GEM: variants seen among roughly 807,000 people sequenced by gnomAD.
GEM encodes the protein GTP binding protein overexpressed in skeletal muscle, also known as GTP-binding protein GEM.
A neutral mutation model predicts 33.0 loss-of-function variants in GEM; 31 were observed. That is an observed-to-expected ratio of 0.94 (90% CI 0.71 to 1.27). The LOEUF (loss-of-function observed/expected upper bound fraction) is 1.27. Ranked by LOEUF, GEM falls within the 50% of genes most tolerant of loss-of-function variation. GEM has a pLI of 0.00. For missense variants in GEM, 354 were observed against 390.5 expected, an observed-to-expected ratio of 0.91 and a Z score of 0.79; for synonymous variants, 141 against 143.7, an observed-to-expected ratio of 0.98 and a Z score of 0.13.
intron 2 of GEM, among the ~76,000 whole-genome samples, chr8:94,254,389 A>C (rs1808842694): frequency 6.6e-6 from 1 of 152,186 alleles, no homozygotes; most frequent in Non-Finnish European, 1.5e-5. Flanking sequence ...ATTCAAATCC[A>C]GGTGCCATCC....
At chr8:94,253,217 G>A in intron 2 of GEM, 105 bp from the exon 3 acceptor site, 1 of 690,976 alleles carries the variant, frequency 1.4e-6, no homozygotes, top group Non-Finnish European at 2.6e-6. Flanking sequence ...TACTAAATAT[G>A]CAATTAATTA....
At chr8:94,257,250 G>A (rs961560896) in intron 2 of GEM, among the ~76,000 whole-genome samples, 52 of 151,506 alleles carry the variant, frequency 3.4e-4, no homozygotes, top group African/African-American at 1.2e-3. Flanking sequence ...GTGAGATCTC[G>A]ACTCACTGCA....
chr8:94,253,640 C>T (rs1808825810), intron 2 of GEM, among the ~76,000 whole-genome samples: 1 of 140,834 alleles, frequency 7.1e-6, no homozygotes, highest in Non-Finnish European at 1.7e-5. Context: ...CCTGTTTTGG[C>T]TGTAGTTTTC....
At chr8:94,254,764 G>A (rs1808851458) in intron 2 of GEM, among the ~76,000 whole-genome samples, 1 of 152,144 alleles carries the variant, frequency 6.6e-6, no homozygotes, top group South Asian at 2.1e-4. Flanking sequence ...CCTTAGAGAA[G>A]GAAAACTTGG....
Position 94,260,532 on chromosome 8 carries a change from A to C in GEM, c.-9-20T>G, listed in dbSNP as rs1306741285. The C allele has an allele frequency of 1.4e-6, 2 of 1,439,680 alleles. No homozygotes were observed. Among genetic ancestry groups the C allele is most frequent in the African/African-American group, 1.4e-5 (1 of 71,916 alleles). The allele number at this position is 1,439,680 out of a possible 1,614,324, so 89.2% of individuals were successfully genotyped here. A position where few individuals can be genotyped will look rare whatever the true frequency, so the allele number is the denominator to read the frequency against. ...TGAGTCCTGGGGAGCAAAGCAGCCA[A>C]GATGGCAGCATTAGTAAGCATGAGT... On this transcript the variant is annotated intron_variant, in intron 1 of 4. Coordinates refer to ENST00000297596, the MANE Select transcript of GEM (RefSeq NM_005261.4).
intron 2 of GEM, among the ~76,000 whole-genome samples, chr8:94,256,580 G>A (rs1182899105): frequency 6.6e-6 from 1 of 152,136 alleles, no homozygotes; most frequent in Non-Finnish European, 1.5e-5. Context: ...CCCTCTCCCT[G>A]AAAACTTTCA....
chr8:94,257,433 C>T (rs1459335694), intron 2 of GEM, among the ~76,000 whole-genome samples: 1 of 152,158 alleles, frequency 6.6e-6, no homozygotes, highest in Non-Finnish European at 1.5e-5. Flanking sequence ...CCACCTGCCT[C>T]GGCCTCCCAA....
At chr8:94,254,683 G>A (rs1808850002) in intron 2 of GEM, among the ~76,000 whole-genome samples, 1 of 152,160 alleles carries the variant, frequency 6.6e-6, no homozygotes, top group South Asian at 2.1e-4. Context: ...ATAGCGAGCA[G>A]TTTACGAAAA....
intron 2 of GEM, among the ~76,000 whole-genome samples, chr8:94,257,372 G>C (rs1393132303): frequency 2.0e-5 from 3 of 151,930 alleles, no homozygotes; most frequent in Non-Finnish European, 4.4e-5. Context: ...AGTAGAGATG[G>C]GGTTTTACCA....
rs1196554975 is a variant in GEM at position 94,259,787 on chromosome 8, G to A, written c.331+386C>T. Reference sequence around the variant, plus strand: ...TCCTAACAGCTTTTCCAACTGGCTTGTTTTAGGTATAACCATGGAAAAAGG... The same window carrying A: ...TCCTAACAGCTTTTCCAACTGGCTTATTTTAGGTATAACCATGGAAAAAGG... On this transcript the variant is annotated intron_variant, in intron 2 of 4. Coordinates refer to ENST00000297596, the MANE Select transcript of GEM (RefSeq NM_005261.4). The A allele has an allele frequency of 1.8e-5, 3 of 170,640 alleles. No individual in the cohort carries two copies. The East Asian group carries it at 4.8e-4, about 28-fold the overall frequency. 10.6% of individuals were successfully genotyped at this position (170,640 alleles called of 1,614,324 possible).
At chr8:94,258,064 A>G (rs1020374608) in intron 2 of GEM, among the ~76,000 whole-genome samples, 1 of 152,004 alleles carries the variant, frequency 6.6e-6, no homozygotes, top group Non-Finnish European at 1.5e-5. Context: ...CCTGATGCCC[A>G]ATGTGCTGTC....
rs113737568 is a variant in GEM, at chr8:94,249,477, A to G, written c.*833T>C. 3.4e-3 allele frequency: 523 copies of G among 152,332 alleles called. 5 individuals carry two copies. The highest frequency in any genetic ancestry group is 0.012 in the African/African-American group (496 of 41,578). 9.4% of individuals were successfully genotyped at this position (152,332 alleles called of 1,614,324 possible). ...CCAAAGTACTGGAAGTTTTTATGCT[A>G]TATGTTTTATAAAAATTCAGACTTC... On this transcript the variant is annotated 3_prime_UTR_variant, in exon 5 of 5. Coordinates refer to ENST00000297596, the MANE Select transcript of GEM (RefSeq NM_005261.4).
Position 94,250,145 on chromosome 8 carries a change from T to C in GEM, c.*165A>G, listed in dbSNP as rs1325419000. 13 of 611,386 alleles carry C rather than the reference T, an allele frequency of 2.1e-5. No homozygotes were observed. Among genetic ancestry groups the C allele is most frequent in the East Asian group, 2.0e-4 (7 of 35,600 alleles). The allele number at this position is 611,386 out of a possible 1,614,324, so 37.9% of individuals were successfully genotyped here. On this transcript the variant is annotated 3_prime_UTR_variant, in exon 5 of 5. Coordinates refer to ENST00000297596, the MANE Select transcript of GEM (RefSeq NM_005261.4). The stretch of plus-strand genomic sequence containing the variant: ...AATAAATACTGACTTTTTACAAAAA[T>C]CTTTCATTTCCCATGCATCATGTTG...
At position 94,260,205 on chromosome 8, in the gene GEM, T is replaced by C; in HGVS notation, c.299A>G (p.Asp100Gly). 1 of 1,607,562 alleles carries C rather than the reference T, an allele frequency of 6.2e-7. No homozygotes were observed. Among genetic ancestry groups the C allele is most frequent in the East Asian group, 2.2e-5 (1 of 44,652 alleles). The change falls in exon 2 of 5, where the codon GAC becomes GGC. Residue 100 changes from aspartate (D) to glycine (G), a missense_variant. Transcript: ENST00000297596. ...TLANIFAGVH[D>G]SMDSDCEVLG... The stretch of plus-strand genomic sequence containing the variant: ...CACCTCGCAGTCGCTGTCCATGCTG[T>C]CATGCACACCTGCAAAGATGTTGGC...
chr8:94,253,002 T>G, intron 3 of GEM, 34 bp downstream of exon 3: 1 of 1,232,040 alleles, frequency 8.1e-7, no homozygotes, highest in Non-Finnish European at 1.2e-6. Flanking sequence ...AGGAAAGCCC[T>G]AAAGGAATTT....
rs774740012 is a variant in GEM, at chr8:94,260,147, A to C, written c.331+26T>G. ...TTCCTGGGCCACCCCTGGTGGAAAG[A>C]AGCCCACTGGGGCTGGGACACCTAC... On this transcript the variant is annotated intron_variant, in intron 2 of 4. Transcript: ENST00000297596. 5 of 1,473,336 alleles carry C rather than the reference A, an allele frequency of 3.4e-6. No individual in the cohort carries two copies. In the East Asian group the frequency reaches 1.2e-4, roughly 34 times the overall value. 91.3% of individuals were successfully genotyped at this position (1,473,336 alleles called of 1,614,324 possible). A position where few individuals can be genotyped will look rare whatever the true frequency, so the allele number is the denominator to read the frequency against.
chr8:94,255,788 A>C (rs1808879622), intron 2 of GEM, among the ~76,000 whole-genome samples: 1 of 152,170 alleles, frequency 6.6e-6, no homozygotes, highest in South Asian at 2.1e-4. Context: ...CTACTTCTCC[A>C]GTGCACTGGA....
intron 1 of GEM, among the ~76,000 whole-genome samples, chr8:94,261,237 C>A (rs1321950925): frequency 6.6e-6 from 1 of 152,220 alleles, no homozygotes; most frequent in Non-Finnish European, 1.5e-5. Context: ...GGCTCCAAAC[C>A]TAGACACCCT....
At chr8:94,255,392 G>A (rs1031160491) in intron 2 of GEM, among the ~76,000 whole-genome samples, 51 of 152,120 alleles carry the variant, frequency 3.4e-4, no homozygotes, top group African/African-American at 1.1e-3. Context: ...GGTGTTGGAG[G>A]CCTGGGAGGC....
Sources: gnomAD v4.1 joint callset for allele counts (sites outside exome capture counted in the v4.1 genomes callset) on GRCh38, gnomAD v4.1.1 for gene constraint, MANE v1.5 for transcripts, NCBI Gene and HGNC (gene_info 2026-07-23, HGNC 2026-07-21) for gene names.